Variants in MAP3K13 observed in about 807,000 individuals in gnomAD.
MAP3K13 encodes the protein leucine zipper-bearing kinase.
In MAP3K13, 52 loss-of-function variants were observed where a neutral mutation model predicts 104.0. That is an observed-to-expected ratio of 0.50 (90% CI 0.40 to 0.63). The LOEUF is 0.63. MAP3K13 is among the 20% of genes least tolerant of loss of function. The probability of loss-of-function intolerance (pLI) is 0.00; values close to 1 mark genes in which losing one functional copy is unlikely to be tolerated. For missense variants in MAP3K13, 914 were observed against 1,218.5 expected, an observed-to-expected ratio of 0.75 and a Z score of 3.72; for synonymous variants, 394 against 442.2, an observed-to-expected ratio of 0.89 and a Z score of 1.37.
chr3:185,374,313 G>A (rs774243284), intron 1 of MAP3K13, among the ~76,000 whole-genome samples: 1 of 152,126 alleles, frequency 6.6e-6, no homozygotes, highest in Admixed American at 6.6e-5. Context: ...ATTTTTGGGG[G>A]TTGTATGGAG....
chr3:185,463,781 T>G (rs1296997117), intron 8 of MAP3K13, 122 bp downstream of exon 8: 1 of 574,062 alleles, frequency 1.7e-6, no homozygotes, highest in Non-Finnish European at 3.2e-6. Context: ...TTTATTGTTA[T>G]GCTCTTTAAA....
rs909525989 is a variant in MAP3K13, at chr3:185,432,429, G to A, written c.475+3373G>A. 2.6e-5 allele frequency among the ~76,000 whole-genome samples: 4 copies of A among 152,092 alleles called. No homozygotes were observed. In the East Asian group the frequency reaches 7.8e-4, roughly 30 times the overall value. ...TGGTCTTGAACTCCTGACCTCAGGT[G>A]ATCTACCTGCCTCGGCCTTCCAAAG... On this transcript the variant is annotated intron_variant, in intron 2 of 13. Transcript: ENST00000265026.
At chr3:185,335,306 C>CTA (rs1397536382) in intron 2 of MAP3K13, among the ~76,000 whole-genome samples, 6 of 152,060 alleles carry the variant, frequency 3.9e-5, no homozygotes, top group Non-Finnish European at 8.8e-5. Context: ...TTTTTGAGAG[C>CTA]TATAATAAGC....
intron 1 of MAP3K13, among the ~76,000 whole-genome samples, chr3:185,420,763 A>G (rs1714072262): frequency 6.6e-6 from 1 of 152,260 alleles, no homozygotes; most frequent in Non-Finnish European, 1.5e-5. Context: ...ATCATTATAA[A>G]AATCCTCAAT....
rs866028468 is a variant in MAP3K13, at chr3:185,455,714, G to T, written c.1278+4319G>T. On this transcript the variant is annotated intron_variant, in intron 7 of 13. Transcript: ENST00000265026. ...TATGATATATATATGAGATATATAT[G>T]AGATATATATGATATATATATGAGA... Among the ~76,000 whole-genome samples, 9 of 10,766 alleles carry T rather than the reference G, an allele frequency of 8.4e-4. 1 individual carries two copies. Among genetic ancestry groups the T allele is most frequent in the Non-Finnish European group, 2.7e-4 (1 of 3,686 alleles). 7.1% of individuals were successfully genotyped at this position (10,766 alleles called of 152,430 possible).
chr3:185,400,740 T>C (rs920002009), intron 1 of MAP3K13, among the ~76,000 whole-genome samples: 1 of 152,038 alleles, frequency 6.6e-6, no homozygotes, highest in Non-Finnish European at 1.5e-5. Context: ...AAAAAAACAG[T>C]TGTTTTAGCA....
At chr3:185,300,605 G>C (rs1721071848) in intron 2 of MAP3K13, among the ~76,000 whole-genome samples, 1 of 151,786 alleles carries the variant, frequency 6.6e-6, no homozygotes, top group Non-Finnish European at 1.5e-5. Context: ...CAATTATTCT[G>C]CCTCAGCCTC....
At chr3:185,426,321 C>G (rs146461373) in intron 1 of MAP3K13, among the ~76,000 whole-genome samples, 96 of 152,276 alleles carry the variant, frequency 6.3e-4, no homozygotes, top group African/African-American at 2.2e-3. Context: ...ACCTCATGAT[C>G]TGCCCACCTT....
chr3:185,326,838 T>G (rs942618329), intron 2 of MAP3K13, among the ~76,000 whole-genome samples: 17 of 152,222 alleles, frequency 1.1e-4, no homozygotes, highest in African/African-American at 4.1e-4. Flanking sequence ...TGATTTGCAT[T>G]TATAAAAGTA....
At chr3:185,302,384 A>C (rs75864550) in intron 2 of MAP3K13, among the ~76,000 whole-genome samples, 12,399 of 152,152 alleles carry the variant, frequency 0.081, 654 homozygotes, top group East Asian at 0.2. Context: ...CTGCACTCCA[A>C]CCTGGGTGAC....
intron 10 of MAP3K13, among the ~76,000 whole-genome samples, chr3:185,471,043 G>T (rs983257955): frequency 1.3e-5 from 2 of 152,152 alleles, no homozygotes; most frequent in Non-Finnish European, 2.9e-5. Flanking sequence ...GAGCCAAATC[G>T]GGACTGTAAG....
chr3:185,341,111 C>A (rs1722706177), intron 2 of MAP3K13, among the ~76,000 whole-genome samples: 2 of 151,948 alleles, frequency 1.3e-5, no homozygotes, highest in Non-Finnish European at 2.9e-5. Flanking sequence ...AAATAGTGTC[C>A]CCCCAAAATT....
chr3:185,480,970 T>C (rs911477750), intron 13 of MAP3K13, among the ~76,000 whole-genome samples: 7 of 152,112 alleles, frequency 4.6e-5, no homozygotes, highest in Admixed American at 2.6e-4. Context: ...ACATTGGGAA[T>C]TGCAATTCAA....
At chr3:185,461,321 G>C (rs1717085097) in intron 7 of MAP3K13, among the ~76,000 whole-genome samples, 1 of 152,124 alleles carries the variant, frequency 6.6e-6, no homozygotes, top group East Asian at 1.9e-4. Flanking sequence ...CCAACCAACA[G>C]AAACTTCTCT....
At chr3:185,466,374 T>G (rs1717427120) in intron 9 of MAP3K13, among the ~76,000 whole-genome samples, 1 of 142,606 alleles carries the variant, frequency 7.0e-6, no homozygotes, top group South Asian at 2.4e-4. Flanking sequence ...ATTTCCTTTT[T>G]TTTTTTTTTT....
chr3:185,295,689 AC>A (rs1219074324), intron 2 of MAP3K13, among the ~76,000 whole-genome samples: 2 of 54,786 alleles, frequency 3.7e-5, no homozygotes, highest in Admixed American at 3.3e-4. Flanking sequence ...GTCATAAATC[AC>A]CCATTTTTTT....
chr3:185,477,359 G>T lies in MAP3K13; in HGVS notation c.2464G>T (p.Glu822Ter). The change falls in exon 12 of 14, where the codon GAA (glutamate) becomes TAA (stop). Residue 822 changes from glutamate (E) to a stop codon, truncating the protein, a stop_gained. Transcript: ENST00000265026. LOFTEE classifies it high-confidence loss of function. The part of the protein sequence containing the change: ...GDDSSEEEEG[E>*]VDSEVEFPRR... Reference sequence around the variant, plus strand: ...TGACTCCTCAGAAGAGGAAGAAGGGGAAGTAGATAGTGAAGTTGAATTTCC... The same window carrying T: ...TGACTCCTCAGAAGAGGAAGAAGGGTAAGTAGATAGTGAAGTTGAATTTCC... The T allele has an allele frequency of 6.2e-7, 1 of 1,612,870 alleles. No homozygotes were observed. The highest frequency in any genetic ancestry group is 8.5e-7 in the Non-Finnish European group (1 of 1,178,846).
chr3:185,443,412 G>C lies in MAP3K13; in HGVS notation c.660-33G>C, dbSNP rs1467546154. On this transcript the variant is annotated intron_variant, in intron 3 of 13. Transcript: ENST00000265026. The stretch of plus-strand genomic sequence containing the variant: ...TATACATATGTATACTTGTATGTGT[G>C]TATTGATGTACATGTTTATGTTTTC... The C allele has an allele frequency of 2.7e-6, 4 of 1,472,754 alleles. No homozygotes were observed. The Admixed American group carries it at 7.0e-5, about 26-fold the overall frequency. The allele number at this position is 1,472,754 out of a possible 1,614,324, so 91.2% of individuals were successfully genotyped here. A position where few individuals can be genotyped will look rare whatever the true frequency, so the allele number is the denominator to read the frequency against.
intron 2 of MAP3K13, among the ~76,000 whole-genome samples, chr3:185,346,802 C>T (rs745648673): frequency 4.9e-4 from 74 of 152,064 alleles, no homozygotes; most frequent in Non-Finnish European, 6.8e-4. Context: ...TTTTGCCTTA[C>T]CCTTTCCAAA....
Sources: gnomAD v4.1 joint callset for allele counts (sites outside exome capture counted in the v4.1 genomes callset) on GRCh38, gnomAD v4.1.1 for gene constraint, MANE v1.5 for transcripts, NCBI Gene and HGNC (gene_info 2026-07-23, HGNC 2026-07-21) for gene names.